The following URI1 variants were observed in gnomAD, a reference collection of about 807,000 sequenced individuals.
The protein encoded by URI1 is URI1 prefoldin like chaperone, also known as unconventional prefoldin RPB5 interactor 1.
URI1 carries 39 observed loss-of-function variants against 60.2 expected under a neutral mutation model. That is an observed-to-expected ratio of 0.65 (90% CI 0.50 to 0.85). URI1 has a LOEUF of 0.85. Among genes scored for constraint, URI1 ranks in the 40% least tolerant of loss-of-function variants. The pLI is 0.00. For synonymous variants in URI1, 251 were observed against 236.8 expected (o/e 1.06, Z -0.55); for missense variants, 691 against 665.9 (o/e 1.04, Z -0.42).
intron 1 of URI1, among the ~76,000 whole-genome samples, chr19:29,965,681 G>A (rs1007554286): frequency 2.6e-5 from 4 of 152,202 alleles, no homozygotes; most frequent in African/African-American, 9.6e-5. Context: ...ACATGTAAAC[G>A]TCTTCATTCT....
chr19:29,926,917 A>G (rs1188619392), intron 1 of URI1, among the ~76,000 whole-genome samples: 1 of 152,098 alleles, frequency 6.6e-6, no homozygotes, highest in Non-Finnish European at 1.5e-5. Flanking sequence ...GGCTCGGGAG[A>G]GCACCTGCTT....
At chr19:30,013,076 A>G (rs2056043047) in intron 10 of URI1, among the ~76,000 whole-genome samples, 2 of 152,190 alleles carry the variant, frequency 1.3e-5, no homozygotes, top group Non-Finnish European at 1.5e-5. Flanking sequence ...ACTTTCACCC[A>G]CCACACTTCT....
At chr19:29,971,975 C>A (rs933809833) in intron 2 of URI1, among the ~76,000 whole-genome samples, 5 of 151,948 alleles carry the variant, frequency 3.3e-5, no homozygotes, top group African/African-American at 1.2e-4. Flanking sequence ...TGGTAACTGC[C>A]CCTTTAGTGG....
chr19:30,011,057 G>T (rs372005452), intron 8 of URI1, 37 bp from the exon 9 acceptor site: 2 of 1,587,784 alleles, frequency 1.3e-6, no homozygotes, highest in East Asian at 2.3e-5. Context: ...GATTTAATTT[G>T]TCAAAAGATT....
chr19:29,947,306 C>T (rs1055946156), intron 1 of URI1, among the ~76,000 whole-genome samples: 1 of 152,196 alleles, frequency 6.6e-6, no homozygotes, highest in African/African-American at 2.4e-5. Flanking sequence ...CTGTGTGCCA[C>T]GCATTGTGAT....
Position 30,011,228 on chromosome 19 carries a change from C to T in URI1, c.1170C>T (p.Asp390=), listed in dbSNP as rs1319626640. The T allele has an allele frequency of 6.2e-7, 1 of 1,606,656 alleles. No individual in the cohort carries two copies. Among genetic ancestry groups the T allele is most frequent in the African/African-American group, 1.3e-5 (1 of 74,378 alleles). Reference sequence around the variant, plus strand: ...TGCCGACCATCAGGACGCCTGCAGACATTTACAGGTGGGAGGCGCTCACAG... The same window carrying T: ...TGCCGACCATCAGGACGCCTGCAGATATTTACAGGTGGGAGGCGCTCACAG... ...QELPTIRTPA[D]IYRAFVDVVN... Residue 390 remains aspartate, a synonymous_variant, in exon 9 of 11, where the codon GAC becomes GAT. Transcript: ENST00000392271.
chr19:29,954,726 C>T (rs1306573666), intron 1 of URI1, among the ~76,000 whole-genome samples: 1 of 151,958 alleles, frequency 6.6e-6, no homozygotes, highest in Non-Finnish European at 1.5e-5. Flanking sequence ...CCATGTTCGC[C>T]AGGGTGGTTT....
chr19:29,948,725 C>A (rs941004376), intron 1 of URI1, among the ~76,000 whole-genome samples: 1 of 152,192 alleles, frequency 6.6e-6, no homozygotes, highest in Non-Finnish European at 1.5e-5. Context: ...AAAATGTAGT[C>A]TCCTATGTCT....
intron 10 of URI1, 123 bp downstream of exon 10, chr19:30,012,654 AAT>A: frequency 8.1e-7 from 1 of 1,237,860 alleles, no homozygotes; most frequent in Non-Finnish European, 1.1e-6. Context: ...GGTACTAATT[AAT>A]AAAAAATTAA....
At chr19:29,986,168 A>C (rs2055665273) in intron 3 of URI1, 114 bp from the exon 4 acceptor site, 1 of 1,033,076 alleles carries the variant, frequency 9.7e-7, no homozygotes, top group African/African-American at 1.7e-5. Flanking sequence ...TATTTTTCCC[A>C]ATGTATAAAT....
chr19:29,942,114 C>G (rs139392958), upstream of URI1: 193 of 644,568 alleles, frequency 3.0e-4, 2 homozygotes, highest in East Asian at 0.015. Flanking sequence ...CCAGCGCGGA[C>G]ACCGCCAGCC....
intron 9 of URI1, 104 bp downstream of exon 9, chr19:30,011,340 T>C (rs981673084): frequency 2.1e-6 from 3 of 1,425,498 alleles, no homozygotes; most frequent in Middle Eastern, 1.8e-4. Flanking sequence ...AGACCCTCAC[T>C]GAAAAGTGAA....
chr19:29,957,118 A>T, intron 1 of URI1: 3 of 438,124 alleles, frequency 6.8e-6, no homozygotes, highest in Non-Finnish European at 1.2e-5. Flanking sequence ...ACCGTAAAAG[A>T]AATACAATTT....
intron 4 of URI1, among the ~76,000 whole-genome samples, chr19:29,989,392 C>T (rs1354895934): frequency 2.0e-5 from 3 of 147,152 alleles, no homozygotes; most frequent in East Asian, 4.1e-4. Context: ...CGATTACAGG[C>T]GTGTGCCATT....
intron 1 of URI1, among the ~76,000 whole-genome samples, chr19:29,937,024 T>C (rs2054979291): frequency 6.6e-6 from 1 of 152,228 alleles, no homozygotes; most frequent in Non-Finnish European, 1.5e-5. Flanking sequence ...AGTGCTGGGA[T>C]TACAGGCATG....
intron 1 of URI1, among the ~76,000 whole-genome samples, chr19:29,953,654 G>A (rs1249294353): frequency 6.6e-6 from 1 of 151,028 alleles, no homozygotes; most frequent in East Asian, 1.9e-4. Context: ...CCTTCTGAGT[G>A]ATTCCATAAT....
In URI1 at chr19:30,009,191, T is replaced by C. The variant is rs191708003; in HGVS notation, c.873T>C (p.Asn291=). 11 of 1,613,216 alleles carry C rather than the reference T, an allele frequency of 6.8e-6. No individual in the cohort carries two copies. Among genetic ancestry groups the C allele is most frequent in the Admixed American group, 5.0e-5 (3 of 59,862 alleles). The stretch of plus-strand genomic sequence containing the variant: ...ATAGTCAGTTGAACTGTTCAGTGAA[T>C]GGTTCCAGTTCTTACCACAGTGATG... ...QVNSQLNCSV[N]GSSSYHSDDD... Residue 291 remains asparagine, a synonymous_variant, in exon 8 of 11, where the codon AAT becomes AAC. Coordinates refer to ENST00000392271, the MANE Select transcript of URI1 (RefSeq NM_003796.3).
intron 1 of URI1, among the ~76,000 whole-genome samples, chr19:29,945,401 C>G (rs373521728): frequency 1.3e-5 from 2 of 151,982 alleles, no homozygotes; most frequent in African/African-American, 4.8e-5. Context: ...TGTATGTTCT[C>G]TGGAACATGG....
chr19:29,941,128 A>T (rs938193258), upstream of URI1, among the ~76,000 whole-genome samples: 5 of 152,228 alleles, frequency 3.3e-5, no homozygotes, highest in African/African-American at 1.2e-4. Flanking sequence ...GAAGCAGAGC[A>T]AGCAGGCACA....
Sources: gnomAD v4.1 joint callset for allele counts (sites outside exome capture counted in the v4.1 genomes callset) on GRCh38, gnomAD v4.1.1 for gene constraint, MANE v1.5 for transcripts, NCBI Gene and HGNC (gene_info 2026-07-23, HGNC 2026-07-21) for gene names.